Variants in EYS observed in about 807,000 individuals in gnomAD.
The protein encoded by EYS is protein eyes shut homolog.
In EYS, 250 loss-of-function variants were observed where a neutral mutation model predicts 282.1. The ratio of observed to expected loss-of-function variants is 0.89; its 90% CI spans 0.80 to 0.98. The LOEUF (loss-of-function observed/expected upper bound fraction) is 0.98, where lower values mean the gene tolerates loss of function less well. EYS is among the 50% of genes least tolerant of loss of function. The probability of loss-of-function intolerance (pLI) is 0.00; values close to 1 mark genes in which losing one functional copy is unlikely to be tolerated. For missense variants in EYS, 4,016 were observed against 3,709.0 expected, an observed-to-expected ratio of 1.08 and a Z score of -2.15; for synonymous variants, 1,355 against 1,282.9, an observed-to-expected ratio of 1.06 and a Z score of -1.20.
intron 30 of EYS, among the ~76,000 whole-genome samples, chr6:64,276,674 T>C (rs1768126543): frequency 6.6e-6 from 1 of 152,154 alleles, no homozygotes. Flanking sequence ...TGAAAGCATA[T>C]GTGTGATTAT....
intron 22 of EYS, among the ~76,000 whole-genome samples, chr6:64,663,605 C>T (rs1203473537): frequency 6.6e-6 from 1 of 152,144 alleles, no homozygotes; most frequent in Non-Finnish European, 1.5e-5. Flanking sequence ...AGTGAGCCTG[C>T]AATTCTCTCA....
chr6:65,332,626 A>G (rs927441840), intron 11 of EYS, among the ~76,000 whole-genome samples: 1 of 151,362 alleles, frequency 6.6e-6, no homozygotes, highest in Admixed American at 6.6e-5. Flanking sequence ...TGGTTGTGCT[A>G]TTGTTGTAAT....
At chr6:63,848,911 C>T (rs762679642) in intron 36 of EYS, among the ~76,000 whole-genome samples, 1 of 152,176 alleles carries the variant, frequency 6.6e-6, no homozygotes, top group Non-Finnish European at 1.5e-5. Context: ...CTCCATGGAG[C>T]CCAGCAAGCT....
intron 2 of EYS, among the ~76,000 whole-genome samples, chr6:65,527,391 T>C (rs1485056513): frequency 6.6e-6 from 1 of 152,216 alleles, no homozygotes; most frequent in Non-Finnish European, 1.5e-5. Context: ...TTCTTCATTA[T>C]AGGCCCACAC....
chr6:65,343,387 G>A (rs1199003798), intron 10 of EYS, among the ~76,000 whole-genome samples: 3 of 151,128 alleles, frequency 2.0e-5, no homozygotes. Context: ...ATTATCTTTT[G>A]GGAAAATTCT....
chr6:64,244,861 G>A (rs1766957595), intron 30 of EYS, among the ~76,000 whole-genome samples: 1 of 151,838 alleles, frequency 6.6e-6, no homozygotes, highest in Non-Finnish European at 1.5e-5. Flanking sequence ...AAGTTCTAGG[G>A]TATATGTGCA....
At position 64,603,086 on chromosome 6, in the gene EYS, T is replaced by C. The variant is rs74789932; in HGVS notation, c.3685-9777A>G. 3.3e-5 allele frequency among the ~76,000 whole-genome samples: 5 copies of C among 152,144 alleles called. No homozygotes were observed. In the East Asian group the frequency reaches 9.6e-4, roughly 29 times the overall value. On this transcript the variant is annotated intron_variant, in intron 24 of 42. Coordinates refer to ENST00000503581, the MANE Select transcript of EYS (RefSeq NM_001142800.2). The stretch of plus-strand genomic sequence containing the variant: ...TATGTAATATCATGGATGCTAATCT[T>C]CCACAAGATAGTGCCTCCAGGTTCA...
At chr6:65,130,877 T>G (rs1775856489) in intron 12 of EYS, among the ~76,000 whole-genome samples, 1 of 151,304 alleles carries the variant, frequency 6.6e-6, no homozygotes, top group Admixed American at 6.6e-5. Flanking sequence ...AAAAATAGTT[T>G]TAAAATATGC....
Position 65,165,994 on chromosome 6 carries a change from A to G in EYS, c.2024-108267T>C, listed in dbSNP as rs190805510. On this transcript the variant is annotated intron_variant, in intron 12 of 42. Transcript: ENST00000503581. ...ATTAGCAACATCTTCAAAAATAATA[A>G]AGGCTAATATTTATAATGGTAAAAT... 2.1e-3 allele frequency among the ~76,000 whole-genome samples: 323 copies of G among 151,280 alleles called. 1 individual carries two copies. Among genetic ancestry groups the G allele is most frequent in the Middle Eastern group, 3.4e-3 (1 of 294 alleles).
chr6:64,485,475 G>A (rs535500537), intron 26 of EYS, among the ~76,000 whole-genome samples: 5 of 151,632 alleles, frequency 3.3e-5, no homozygotes, highest in East Asian at 3.9e-4. Flanking sequence ...TTGCTCAATA[G>A]GCAACAACTC....
At chr6:63,860,050 T>C (rs1000486810) in intron 36 of EYS, among the ~76,000 whole-genome samples, 1 of 152,194 alleles carries the variant, frequency 6.6e-6, no homozygotes, top group African/African-American at 2.4e-5. Context: ...GTAGTTGTAA[T>C]TGAACAACAG....
chr6:64,519,675 G>A (rs1039090169), intron 26 of EYS, among the ~76,000 whole-genome samples: 1 of 151,810 alleles, frequency 6.6e-6, no homozygotes, highest in Non-Finnish European at 1.5e-5. Flanking sequence ...ACCAATTGGA[G>A]GATGTGAAAA....
chr6:65,553,443 C>T (rs1219895330), intron 2 of EYS, among the ~76,000 whole-genome samples: 1 of 152,078 alleles, frequency 6.6e-6, no homozygotes, highest in Non-Finnish European at 1.5e-5. Flanking sequence ...AAACAAGAAT[C>T]TGGATTATAC....
intron 12 of EYS, among the ~76,000 whole-genome samples, chr6:65,175,299 G>GT (rs1169985675): frequency 1.3e-5 from 2 of 151,304 alleles, no homozygotes; most frequent in South Asian, 2.1e-4. Context: ...GAATATAATA[G>GT]TAAGGCAAGC....
At chr6:65,697,735 A>G (rs1053653726) in intron 1 of EYS, among the ~76,000 whole-genome samples, 4 of 152,146 alleles carry the variant, frequency 2.6e-5, no homozygotes, top group Non-Finnish European at 5.9e-5. Flanking sequence ...AAATTAGACG[A>G]TGGAACCAAT....
chr6:65,446,377 A>G (rs1472218556), intron 5 of EYS, among the ~76,000 whole-genome samples: 2 of 151,892 alleles, frequency 1.3e-5, no homozygotes, highest in South Asian at 2.1e-4. Flanking sequence ...AACTTCAAAG[A>G]GAAAACTGTC....
chr6:65,531,273 A>T (rs1767759706), intron 2 of EYS, among the ~76,000 whole-genome samples: 1 of 152,198 alleles, frequency 6.6e-6, no homozygotes, highest in Admixed American at 6.5e-5. Context: ...AAATGGCTTT[A>T]AGAGGCAATA....
At chr6:65,275,486 T>C (rs1028392676) in intron 12 of EYS, among the ~76,000 whole-genome samples, 9 of 152,194 alleles carry the variant, frequency 5.9e-5, no homozygotes, top group African/African-American at 2.2e-4. Context: ...CAAATGCCCA[T>C]GGTTGCCACT....
intron 38 of EYS, among the ~76,000 whole-genome samples, 182 bp downstream of exon 38, chr6:63,788,876 C>A (rs1431131860): frequency 1.3e-5 from 2 of 152,154 alleles, no homozygotes; most frequent in African/African-American, 2.4e-5. Flanking sequence ...TGTTAGTAAT[C>A]CCTCTTATTT....
Sources: gnomAD v4.1 joint callset for allele counts (sites outside exome capture counted in the v4.1 genomes callset) on GRCh38, gnomAD v4.1.1 for gene constraint, MANE v1.5 for transcripts, NCBI Gene and HGNC (gene_info 2026-07-23, HGNC 2026-07-21) for gene names.